Variants in HTR4 observed in about 807,000 individuals in gnomAD.
HTR4 encodes 5-hydroxytryptamine receptor 4.
In HTR4, 16 loss-of-function variants were observed where a neutral mutation model predicts 36.8. That is an observed-to-expected ratio of 0.43 (90% CI 0.29 to 0.66). The LOEUF is 0.66. HTR4 is among the 30% of genes least tolerant of loss of function. HTR4 has a pLI of 0.13. For synonymous variants in HTR4, 189 were observed against 185.1 expected (o/e 1.02, Z -0.17); for missense variants, 438 against 490.9 (o/e 0.89, Z 1.02).
intron 2 of HTR4, among the ~76,000 whole-genome samples, chr5:148,585,585 A>C (rs1761315025): frequency 6.6e-6 from 1 of 152,174 alleles, no homozygotes; most frequent in Non-Finnish European, 1.5e-5. Flanking sequence ...TGTATATCTA[A>C]TATGACCATC....
chr5:148,511,725 C>A (rs1254753384), intron 5 of HTR4, among the ~76,000 whole-genome samples: 1 of 150,324 alleles, frequency 6.7e-6, no homozygotes, highest in Non-Finnish European at 1.5e-5. Context: ...GTATATACAG[C>A]CAAACAGTTC....
intron 2 of HTR4, among the ~76,000 whole-genome samples, chr5:148,613,632 G>A (rs1752535734): frequency 1.3e-5 from 2 of 150,534 alleles, no homozygotes; most frequent in Non-Finnish European, 2.9e-5. Context: ...AGACAGGGTT[G>A]CCCTCTCTCA....
chr5:148,578,661 A>G (rs934115048), intron 2 of HTR4, among the ~76,000 whole-genome samples: 14 of 152,074 alleles, frequency 9.2e-5, no homozygotes, highest in African/African-American at 3.4e-4. Context: ...CCTGGAGTCA[A>G]TACAATATTT....
chr5:148,472,030 G>T (rs80044052), downstream of HTR4, among the ~76,000 whole-genome samples: 13 of 152,260 alleles, frequency 8.5e-5, no homozygotes, highest in East Asian at 2.5e-3. Context: ...CTCACATAGG[G>T]TTCCACTCAC....
chr5:148,513,471 T>G (rs1757591572), intron 5 of HTR4, among the ~76,000 whole-genome samples: 1 of 152,216 alleles, frequency 6.6e-6, no homozygotes, highest in Non-Finnish European at 1.5e-5. Context: ...GGCTCCACGT[T>G]TGGATTTCCT....
In HTR4 at chr5:148,482,433, C is replaced by A. The variant is rs929482175; in HGVS notation, c.*770G>T. On this transcript the variant is annotated 3_prime_UTR_variant, in exon 7 of 7. Transcript: ENST00000377888. Reference sequence around the variant, plus strand: ...GGCAGACACGCCAGCGGCCAGGACACCAGGAGGAAGCTATCTGTCTTCAGC... The same window carrying A: ...GGCAGACACGCCAGCGGCCAGGACAACAGGAGGAAGCTATCTGTCTTCAGC... 4 of 985,490 alleles carry A rather than the reference C, an allele frequency of 4.1e-6. No individual in the cohort carries two copies. The highest frequency in any genetic ancestry group is 6.1e-5 in the Admixed American group (1 of 16,272). The allele number at this position is 985,490 out of a possible 1,614,324, so 61.0% of individuals were successfully genotyped here. A position where few individuals can be genotyped will look rare whatever the true frequency, so the allele number is the denominator to read the frequency against.
chr5:148,606,143 G>A (rs912784584), intron 2 of HTR4, among the ~76,000 whole-genome samples: 1 of 152,202 alleles, frequency 6.6e-6, no homozygotes, highest in African/African-American at 2.4e-5. Context: ...GGAAAAAGGA[G>A]TGTAGAGCAG....
chr5:148,614,703 C>A (rs1472953600), intron 2 of HTR4, among the ~76,000 whole-genome samples: 145 of 151,988 alleles, frequency 9.5e-4, no homozygotes, highest in Non-Finnish European at 1.5e-3. Flanking sequence ...AACTAAAGAG[C>A]TTCTGCACAG....
chr5:148,573,596 AAGACTCACCCAACTATAAGG>A (rs2113885191), intron 2 of HTR4, among the ~76,000 whole-genome samples: 1 of 152,210 alleles, frequency 6.6e-6, no homozygotes, highest in South Asian at 2.1e-4. Flanking sequence ...ACTAGTCAGA[AAGACTCACCCAACTATAAGG>A]AGGATGGGGA....
chr5:148,451,174 C>T (rs1489805492), exon 6 of HTR4: 1 of 1,613,656 alleles, frequency 6.2e-7, no homozygotes. Context: ...AGTTGTGAGC[C>T]ATGTCCTCAA....
At chr5:148,588,497 A>G (rs943373067) in intron 2 of HTR4, among the ~76,000 whole-genome samples, 2 of 149,768 alleles carry the variant, frequency 1.3e-5, no homozygotes, top group Non-Finnish European at 3.0e-5. Flanking sequence ...ACTAAAAGTC[A>G]GTGTATATCA....
rs114439928 is a variant in HTR4 at position 148,553,563 on chromosome 5, A to G, written c.27-3301T>C. ...GGGAGGCAAGATTTAGTACCAGATAATAAGAGCCTTCTAACAATTAAAGAT... is the reference window on the plus strand; with the variant it reads ...GGGAGGCAAGATTTAGTACCAGATAGTAAGAGCCTTCTAACAATTAAAGAT... On this transcript the variant is annotated intron_variant, in intron 2 of 6. Transcript: ENST00000377888. Among the ~76,000 whole-genome samples the G allele has an allele frequency of 6.3e-3, 964 of 152,322 alleles. 11 individuals are homozygous for G. The highest frequency in any genetic ancestry group is 0.022 in the African/African-American group (922 of 41,554).
At chr5:148,532,638 G>T (rs1160626572) in intron 4 of HTR4, among the ~76,000 whole-genome samples, 2 of 152,210 alleles carry the variant, frequency 1.3e-5, no homozygotes, top group Non-Finnish European at 2.9e-5. Context: ...GCCAAGGCCT[G>T]AAGAGAGAAA....
chr5:148,538,372 G>A (rs1195140557), intron 4 of HTR4, among the ~76,000 whole-genome samples: 1 of 152,136 alleles, frequency 6.6e-6, no homozygotes, highest in African/African-American at 2.4e-5. Context: ...GTCCTAGCCA[G>A]AGCAATCAGG....
intron 2 of HTR4, among the ~76,000 whole-genome samples, chr5:148,571,329 C>T (rs1385991458): frequency 1.3e-5 from 2 of 152,032 alleles, no homozygotes; most frequent in Non-Finnish European, 2.9e-5. Flanking sequence ...TGGTAGTTGT[C>T]GTGTCCATGG....
At chr5:148,641,969 C>T (rs1354903633) in intron 1 of HTR4, among the ~76,000 whole-genome samples, 1 of 152,150 alleles carries the variant, frequency 6.6e-6, no homozygotes, top group African/African-American at 2.4e-5. Flanking sequence ...GGTACAGTGC[C>T]AACATCTGCA....
At chr5:148,588,749 C>T (rs2127255724) in intron 2 of HTR4, among the ~76,000 whole-genome samples, 1 of 151,062 alleles carries the variant, frequency 6.6e-6, no homozygotes, top group East Asian at 1.9e-4. Flanking sequence ...ACCTTGTTAG[C>T]CAGGATGGTC....
chr5:148,485,974 C>G (rs547920249), intron 6 of HTR4, among the ~76,000 whole-genome samples: 8 of 152,288 alleles, frequency 5.3e-5, no homozygotes, highest in African/African-American at 1.9e-4. Flanking sequence ...TATATTGGCT[C>G]TCTTGTACAA....
intron 1 of HTR4, among the ~76,000 whole-genome samples, chr5:148,646,597 A>G (rs1581584290): frequency 6.6e-6 from 1 of 152,302 alleles, no homozygotes; most frequent in East Asian, 1.9e-4. Flanking sequence ...TCCTACCAAA[A>G]GTTTCTAAAC....
Sources: allele counts gnomAD v4.1 joint callset (sites outside exome capture counted in the v4.1 genomes callset), GRCh38; gene constraint gnomAD v4.1.1; transcripts MANE v1.5; gene names NCBI Gene and HGNC (gene_info 2026-07-23, HGNC 2026-07-21).